Variants in ENOX1 observed in about 807,000 individuals in gnomAD.
The protein encoded by ENOX1 is ecto-NOX disulfide-thiol exchanger 1.
In ENOX1, 42 loss-of-function variants were observed where a neutral mutation model predicts 82.5. The observed-to-expected ratio is 0.51, with a 90% CI of 0.40 to 0.66. The LOEUF is 0.66. Among genes scored for constraint, ENOX1 ranks in the 30% least tolerant of loss-of-function variants. ENOX1 has a pLI of 0.00. For synonymous variants in ENOX1, 271 were observed against 282.2 expected, an observed-to-expected ratio of 0.96 and a Z score of 0.40; for missense variants, 608 against 811.6, an observed-to-expected ratio of 0.75 and a Z score of 3.05.
At chr13:43,673,950 A>T (rs1412176879) in intron 1 of ENOX1, among the ~76,000 whole-genome samples, 1 of 152,164 alleles carries the variant, frequency 6.6e-6, no homozygotes, top group African/African-American at 2.4e-5. Context: ...CAAGGCTACC[A>T]AACTGCCATT....
chr13:43,308,918 A>G (rs781391805), intron 11 of ENOX1, among the ~76,000 whole-genome samples: 1 of 152,136 alleles, frequency 6.6e-6, no homozygotes, highest in South Asian at 2.1e-4. Context: ...GCCTCATGTC[A>G]TTGCTGAGAA....
intron 2 of ENOX1, among the ~76,000 whole-genome samples, chr13:43,639,602 C>T (rs995102936): frequency 6.6e-6 from 1 of 152,188 alleles, no homozygotes; most frequent in East Asian, 1.9e-4. Context: ...TCCCATAATG[C>T]ATTTTTGGTG....
intron 3 of ENOX1, among the ~76,000 whole-genome samples, chr13:43,421,459 C>T (rs1290516589): frequency 7.2e-5 from 11 of 152,118 alleles, no homozygotes. Context: ...AGTTACATCC[C>T]AATGGAGTTA....
chr13:43,312,040 G>C (rs996036111), intron 11 of ENOX1, among the ~76,000 whole-genome samples: 2 of 152,178 alleles, frequency 1.3e-5, no homozygotes, highest in Non-Finnish European at 2.9e-5. Flanking sequence ...ATATGTTGTA[G>C]ATTAAGTTGT....
intron 1 of ENOX1, among the ~76,000 whole-genome samples, chr13:43,712,664 A>G (rs1013781749): frequency 6.6e-6 from 1 of 151,718 alleles, no homozygotes; most frequent in Non-Finnish European, 1.5e-5. Flanking sequence ...TAGGTATTTT[A>G]TTCTCTTTGA....
intron 1 of ENOX1, among the ~76,000 whole-genome samples, chr13:43,699,314 A>G (rs1178803831): frequency 2.6e-5 from 4 of 152,190 alleles, no homozygotes; most frequent in Non-Finnish European, 5.9e-5. Context: ...GGTGCTCTAC[A>G]GAGGAACACA....
At chr13:43,543,837 G>C (rs2078851222) in intron 2 of ENOX1, 1 of 147,384 alleles carries the variant, frequency 6.8e-6, no homozygotes, top group Admixed American at 6.8e-5. Flanking sequence ...TTTTGTAGAT[G>C]GTTTTTAAAA....
At chr13:43,758,357 TGA>T in intron 1 of ENOX1, among the ~76,000 whole-genome samples, 1 of 152,262 alleles carries the variant, frequency 6.6e-6, no homozygotes, top group African/African-American at 2.4e-5. Context: ...GTAGTTATGC[TGA>T]GAGGAAAAAA....
At chr13:43,465,587 T>G (rs1031788640) in intron 3 of ENOX1, among the ~76,000 whole-genome samples, 3 of 152,214 alleles carry the variant, frequency 2.0e-5, no homozygotes, top group Non-Finnish European at 4.4e-5. Flanking sequence ...GGGCACTGCA[T>G]GTGCTTGATG....
intron 2 of ENOX1, among the ~76,000 whole-genome samples, chr13:43,549,879 T>C (rs995410831): frequency 5.9e-5 from 9 of 152,200 alleles, no homozygotes; most frequent in Non-Finnish European, 1.5e-5. Context: ...TCCCACTGGT[T>C]CAGGAGACAC....
intron 3 of ENOX1, among the ~76,000 whole-genome samples, chr13:43,478,576 C>G (rs960450935): frequency 1.3e-5 from 2 of 151,976 alleles, no homozygotes; most frequent in Non-Finnish European, 2.9e-5. Flanking sequence ...TTTTTCTATT[C>G]CCATAAATGT....
At chr13:43,651,589 C>G (rs1484667118) in intron 2 of ENOX1, among the ~76,000 whole-genome samples, 2 of 151,122 alleles carry the variant, frequency 1.3e-5, no homozygotes, top group Non-Finnish European at 2.9e-5. Context: ...CCCAGCTACT[C>G]AGGAGGCTAT....
intron 5 of ENOX1, among the ~76,000 whole-genome samples, chr13:43,367,703 C>A (rs1031050266): frequency 7.2e-6 from 1 of 138,488 alleles, no homozygotes. Context: ...TACTTTGATA[C>A]AGCAGCCCTA....
chr13:43,611,829 G>T (rs904697743), intron 2 of ENOX1, among the ~76,000 whole-genome samples: 1 of 152,218 alleles, frequency 6.6e-6, no homozygotes, highest in African/African-American at 2.4e-5. Context: ...AGAGGCCTAG[G>T]CTTGCCCTTG....
chr13:43,432,756 G>A (rs1160845286), intron 3 of ENOX1, among the ~76,000 whole-genome samples: 1 of 152,110 alleles, frequency 6.6e-6, no homozygotes, highest in African/African-American at 2.4e-5. Flanking sequence ...TTTATGAATT[G>A]CTTTTGTGGT....
chr13:43,307,238 A>G (rs1042876176), intron 11 of ENOX1, among the ~76,000 whole-genome samples: 4 of 152,202 alleles, frequency 2.6e-5, no homozygotes, highest in Non-Finnish European at 5.9e-5. Context: ...ATAGGATAGA[A>G]AGTATCTGCA....
Position 43,214,066 on chromosome 13 carries a change from T to C in ENOX1, c.1856A>G (p.Gln619Arg). 1 of 1,613,932 alleles carries C rather than the reference T, an allele frequency of 6.2e-7. No individual in the cohort carries two copies. Residue 619 changes from glutamine to arginine, a missense_variant, in exon 17 of 17, where the codon CAG becomes CGG. Physicochemically the swap from Gln to Arg is conservative, Grantham distance 43 (BLOSUM62 1). Transcript: ENST00000690772. ...LLMRLPRMFK[Q>R]EFTGVGATLE... ...CGTGGCTCCCACACCCGTGAATTCCTGTTTGAACATGCGTGGCAGCCTCAT... is the reference window on the plus strand; with the variant it reads ...CGTGGCTCCCACACCCGTGAATTCCCGTTTGAACATGCGTGGCAGCCTCAT...
chr13:43,508,121 TC>T (rs1351180051), intron 2 of ENOX1, among the ~76,000 whole-genome samples: 1 of 152,018 alleles, frequency 6.6e-6, no homozygotes, highest in African/African-American at 2.4e-5. Flanking sequence ...TGAAACTCAA[TC>T]CTCATTGTGC....
At chr13:43,682,765 T>A (rs1458263608) in intron 1 of ENOX1, among the ~76,000 whole-genome samples, 1 of 152,120 alleles carries the variant, frequency 6.6e-6, no homozygotes, top group Non-Finnish European at 1.5e-5. Flanking sequence ...TCCAGATGCC[T>A]CTCAGAAAAA....
Sources: gnomAD v4.1 joint callset for allele counts (sites outside exome capture counted in the v4.1 genomes callset) on GRCh38, gnomAD v4.1.1 for gene constraint, MANE v1.5 for transcripts, NCBI Gene and HGNC (gene_info 2026-07-23, HGNC 2026-07-21) for gene names.